Variants in SAMMSON observed in about 807,000 individuals in gnomAD.
SAMMSON encodes the protein survival associated mitochondrial melanoma specific oncogenic non-coding RNA.
chr3:70,206,341 T>G (rs908366175), intron 4 of SAMMSON, among the ~76,000 whole-genome samples: 2 of 152,080 alleles, frequency 1.3e-5, no homozygotes, highest in Admixed American at 6.6e-5. Context: ...CCCAGCTATT[T>G]AAAACATGTT....
chr3:70,212,557 A>G (rs1202753264), intron 4 of SAMMSON, among the ~76,000 whole-genome samples: 1 of 152,050 alleles, frequency 6.6e-6, no homozygotes, highest in African/African-American at 2.4e-5. Flanking sequence ...CATTTCCATT[A>G]CTGCCACTCA....
chr3:70,065,693 G>A lies in SAMMSON; in HGVS notation n.418-5783G>A, dbSNP rs536654859. Among the ~76,000 whole-genome samples, 11 of 152,076 alleles carry A rather than the reference G, an allele frequency of 7.2e-5. No individual in the cohort carries two copies. The East Asian group carries it at 1.9e-3, about 27-fold the overall frequency. On this transcript the variant is annotated intron_variant and non_coding_transcript_variant, in intron 3 of 9. Transcript: ENST00000642114. ...TCACATCTGGGGGAGGATGCTATTTGCATCTCGTGGGTAGAAGCCAGGGAT... is the reference window on the plus strand; with the variant it reads ...TCACATCTGGGGGAGGATGCTATTTACATCTCGTGGGTAGAAGCCAGGGAT...
chr3:70,408,279 C>T (rs1248601429), intron 2 of SAMMSON, among the ~76,000 whole-genome samples: 1 of 152,230 alleles, frequency 6.6e-6, no homozygotes, highest in Non-Finnish European at 1.5e-5. Context: ...TTCAGCTCCT[C>T]GTTGCTTATG....
At chr3:70,033,852 G>A (rs1056133510) in intron 3 of SAMMSON, among the ~76,000 whole-genome samples, 4 of 152,118 alleles carry the variant, frequency 2.6e-5, no homozygotes. Context: ...GATGAATGAC[G>A]ATGTCTTTAG....
intron 4 of SAMMSON, among the ~76,000 whole-genome samples, chr3:70,145,181 C>G (rs1408567793): frequency 6.6e-6 from 1 of 152,046 alleles, no homozygotes. Context: ...CTGAATTCAC[C>G]TAACAACAGA....
chr3:70,409,774 G>A (rs1278422470), intron 2 of SAMMSON, among the ~76,000 whole-genome samples: 4 of 152,126 alleles, frequency 2.6e-5, no homozygotes, highest in Admixed American at 6.5e-5. Flanking sequence ...AAGTCTCAGA[G>A]TGCAAGATAG....
At chr3:70,196,816 C>T in intron 4 of SAMMSON, 1 of 397,224 alleles carries the variant, frequency 2.5e-6, no homozygotes, top group Admixed American at 4.4e-5. Flanking sequence ...CCTATAGCAT[C>T]CAAGAAATGT....
chr3:70,425,804 G>C (rs1400173061), intron 2 of SAMMSON, among the ~76,000 whole-genome samples: 1 of 152,120 alleles, frequency 6.6e-6, no homozygotes, highest in East Asian at 1.9e-4. Context: ...TGAGACCCCT[G>C]TAAGGACTCA....
intron 4 of SAMMSON, among the ~76,000 whole-genome samples, chr3:70,224,281 C>T (rs1440341309): frequency 6.6e-6 from 1 of 152,192 alleles, no homozygotes; most frequent in African/African-American, 2.4e-5. Context: ...CTTTCTCAGT[C>T]CTCCAAGCAC....
At chr3:70,211,929 C>T (rs1701355455) in intron 4 of SAMMSON, among the ~76,000 whole-genome samples, 1 of 150,848 alleles carries the variant, frequency 6.6e-6, no homozygotes, top group Admixed American at 6.7e-5. Flanking sequence ...CCTTCTCCCT[C>T]TCTGGTGTAA....
At chr3:70,423,908 T>C (rs1701332893) in intron 2 of SAMMSON, among the ~76,000 whole-genome samples, 1 of 152,188 alleles carries the variant, frequency 6.6e-6, no homozygotes, top group Non-Finnish European at 1.5e-5. Context: ...GTGTGGGTCA[T>C]CGTTTAGCAG....
chr3:70,276,537 G>A (rs1374153233), intron 6 of SAMMSON, among the ~76,000 whole-genome samples: 1 of 152,084 alleles, frequency 6.6e-6, no homozygotes, highest in Non-Finnish European at 1.5e-5. Flanking sequence ...TGTTTATTTA[G>A]TAAATATTTA....
chr3:70,254,239 T>C (rs1240677025), intron 6 of SAMMSON, among the ~76,000 whole-genome samples: 4 of 150,820 alleles, frequency 2.7e-5, no homozygotes, highest in Non-Finnish European at 6.0e-5. Flanking sequence ...ATTTGAATTC[T>C]GTTAAGTTTA....
chr3:70,263,452 C>T (rs1701886883), intron 6 of SAMMSON, among the ~76,000 whole-genome samples: 1 of 152,084 alleles, frequency 6.6e-6, no homozygotes, highest in African/African-American at 2.4e-5. Flanking sequence ...GCAGTTGTGA[C>T]CCTGAATGCT....
chr3:70,274,255 C>A (rs1702001449), intron 6 of SAMMSON, among the ~76,000 whole-genome samples: 1 of 151,976 alleles, frequency 6.6e-6, no homozygotes, highest in South Asian at 2.1e-4. Flanking sequence ...TTAGTTCAAC[C>A]AGGCAACTCA....
intron 7 of SAMMSON, among the ~76,000 whole-genome samples, chr3:70,317,889 T>A (rs1317568140): frequency 6.6e-6 from 1 of 151,810 alleles, no homozygotes. Context: ...TTTAGTTCAC[T>A]ATCATCTGTG....
intron 4 of SAMMSON, among the ~76,000 whole-genome samples, chr3:70,098,918 T>C (rs1351790879): frequency 6.6e-6 from 1 of 152,188 alleles, no homozygotes; most frequent in Non-Finnish European, 1.5e-5. Context: ...GCAATATAGA[T>C]TATTACACCG....
intron 4 of SAMMSON, among the ~76,000 whole-genome samples, chr3:70,229,488 G>A (rs769726469): frequency 2.0e-5 from 3 of 152,150 alleles, no homozygotes; most frequent in Non-Finnish European, 2.9e-5. Flanking sequence ...CTGGGCACAC[G>A]GTTAAACTAT....
At chr3:70,109,052 A>G (rs996527238) in intron 4 of SAMMSON, among the ~76,000 whole-genome samples, 1 of 152,116 alleles carries the variant, frequency 6.6e-6, no homozygotes, top group African/African-American at 2.4e-5. Context: ...ATGCGTGAAC[A>G]AGAGTTTTGC....
Sources: allele counts gnomAD v4.1 joint callset (sites outside exome capture counted in the v4.1 genomes callset), GRCh38; gene constraint gnomAD v4.1.1; transcripts MANE v1.5; gene names NCBI Gene and HGNC (gene_info 2026-07-23, HGNC 2026-07-21).